GRIA4: variants seen among roughly 807,000 people sequenced by gnomAD.
GRIA4 encodes the protein glutamate receptor 4.
In GRIA4, 34 loss-of-function variants were observed where a neutral mutation model predicts 104.0. The ratio of observed to expected loss-of-function variants is 0.33; its 90% confidence interval spans 0.25 to 0.44. The LOEUF (loss-of-function observed/expected upper bound fraction) is 0.44. Among genes scored for constraint, GRIA4 ranks in the 20% least tolerant of loss-of-function variants. The probability of loss-of-function intolerance (pLI) is 1.00; values close to 1 mark genes in which losing one functional copy is unlikely to be tolerated. For synonymous variants in GRIA4, 386 were observed against 381.9 expected (o/e 1.01, Z -0.13); for missense variants, 750 against 1,096.5 (o/e 0.68, Z 4.46).
rs765999499 is a variant in GRIA4, at chr11:105,886,947, A to AT, written c.673-562dup. ...ATCCAACAGAGAGAAAAGCTTTTTG[A>AT]TTTTTTTTTTCTTTTTGTAATTATA... On this transcript the variant is annotated intron_variant, in intron 5 of 16. Coordinates refer to ENST00000282499, the MANE Select transcript of GRIA4 (RefSeq NM_000829.4). Among the ~76,000 whole-genome samples, 538 of 149,482 alleles carry AT rather than the reference A, an allele frequency of 3.6e-3. 4 individuals carry two copies. The highest frequency in any genetic ancestry group is 0.011 in the African/African-American group (442 of 40,842).
chr11:105,753,919 C>G (rs1940156166), intron 4 of GRIA4, among the ~76,000 whole-genome samples: 1 of 152,074 alleles, frequency 6.6e-6, no homozygotes, highest in African/African-American at 2.4e-5. Context: ...CCCAGGTGAG[C>G]CACCCTCCAG....
intron 4 of GRIA4, among the ~76,000 whole-genome samples, chr11:105,773,457 T>C (rs933150255): frequency 1.3e-5 from 2 of 152,182 alleles, no homozygotes; most frequent in Non-Finnish European, 2.9e-5. Context: ...TGAACTAATA[T>C]AATATCAAAT....
At chr11:105,612,068 C>A (rs140354562) in intron 2 of GRIA4, among the ~76,000 whole-genome samples, 1 of 152,182 alleles carries the variant, frequency 6.6e-6, no homozygotes, top group Non-Finnish European at 1.5e-5. Flanking sequence ...GTGAGCAAGA[C>A]ACATTAGGAC....
At chr11:105,688,558 G>A (rs575611803) in intron 3 of GRIA4, among the ~76,000 whole-genome samples, 145 of 152,054 alleles carry the variant, frequency 9.5e-4, no homozygotes, top group African/African-American at 3.2e-3. Flanking sequence ...GTGAGACTCC[G>A]TCTCAAAAAA....
intron 3 of GRIA4, among the ~76,000 whole-genome samples, chr11:105,660,119 G>T (rs942364376): frequency 9.2e-5 from 14 of 151,522 alleles, no homozygotes; most frequent in African/African-American, 3.1e-4. Flanking sequence ...AATATTTCTA[G>T]GGGAAGGAAA....
intron 4 of GRIA4, among the ~76,000 whole-genome samples, chr11:105,786,423 T>A (rs1247738385): frequency 1.7e-4 from 26 of 152,222 alleles, no homozygotes; most frequent in Non-Finnish European, 2.9e-5. Context: ...CATTTAGCTT[T>A]CTTATTCTTG....
chr11:105,947,585 T>C (rs1948348050), intron 14 of GRIA4, among the ~76,000 whole-genome samples: 1 of 152,202 alleles, frequency 6.6e-6, no homozygotes. Flanking sequence ...CACTTCTCTG[T>C]TTTGTTGCTT....
chr11:105,649,418 T>C (rs912624372), intron 3 of GRIA4, among the ~76,000 whole-genome samples: 15 of 152,170 alleles, frequency 9.9e-5, no homozygotes, highest in African/African-American at 3.6e-4. Context: ...TTCATCCAAT[T>C]CTTGGCTTTT....
chr11:105,841,280 T>A (rs906798905), intron 4 of GRIA4, among the ~76,000 whole-genome samples: 2 of 152,244 alleles, frequency 1.3e-5, no homozygotes, highest in African/African-American at 4.8e-5. Flanking sequence ...TTCACTTTTG[T>A]TTCTACATCT....
At chr11:105,801,345 C>A (rs1300319599) in intron 4 of GRIA4, among the ~76,000 whole-genome samples, 1 of 151,566 alleles carries the variant, frequency 6.6e-6, no homozygotes, top group Non-Finnish European at 1.5e-5. Context: ...TATTGAAAAA[C>A]ATGCAGGAAA....
rs1172538326 is a variant in GRIA4, at chr11:105,827,398, GA to G, written c.488-34618del. On this transcript the variant is annotated intron_variant, in intron 4 of 16. Transcript: ENST00000282499. ...TAAGCAGAATAGAAAATATTTAGAA[GA>G]AAAAAAACAGTAAATTGAAGGAATA... 3.3e-5 allele frequency among the ~76,000 whole-genome samples: 5 copies of G among 151,218 alleles called. No individual in the cohort carries two copies. In the East Asian group the frequency reaches 5.8e-4, roughly 18 times the overall value.
At chr11:105,816,764 C>A (rs1943392758) in intron 4 of GRIA4, among the ~76,000 whole-genome samples, 3 of 152,044 alleles carry the variant, frequency 2.0e-5, no homozygotes, top group Admixed American at 2.0e-4. Context: ...ATAATCCCAG[C>A]AAGTTGGGAG....
intron 10 of GRIA4, chr11:105,911,730 A>C (rs1419109458): frequency 6.1e-6 from 1 of 163,790 alleles, no homozygotes; most frequent in Admixed American, 7.5e-5. Context: ...TTTTGCGTAA[A>C]CTTTCTAACT....
intron 5 of GRIA4, among the ~76,000 whole-genome samples, chr11:105,880,125 G>A (rs1358637759): frequency 2.0e-5 from 3 of 152,102 alleles, no homozygotes; most frequent in African/African-American, 7.2e-5. Context: ...TGCTTCTAAT[G>A]GTTCTTTCAA....
chr11:105,829,824 A>G (rs977337136), intron 4 of GRIA4, among the ~76,000 whole-genome samples: 2 of 151,890 alleles, frequency 1.3e-5, no homozygotes, highest in Admixed American at 1.3e-4. Context: ...TTATAGACTC[A>G]AGGAAAGACA....
intron 4 of GRIA4, among the ~76,000 whole-genome samples, chr11:105,849,714 A>ACCTGG (rs1944729154): frequency 6.6e-6 from 1 of 152,218 alleles, no homozygotes; most frequent in Non-Finnish European, 1.5e-5. Context: ...CAGTATAAAT[A>ACCTGG]GAATTTCATA....
At chr11:105,670,974 GT>G (rs1952344405) in intron 3 of GRIA4, among the ~76,000 whole-genome samples, 2 of 151,962 alleles carry the variant, frequency 1.3e-5, no homozygotes, top group South Asian at 4.1e-4. Context: ...TGCTTGGCTT[GT>G]GGCCCACTTC....
intron 14 of GRIA4, among the ~76,000 whole-genome samples, chr11:105,950,297 A>C (rs1010209801): frequency 6.6e-5 from 10 of 152,148 alleles, no homozygotes; most frequent in Non-Finnish European, 7.3e-5. Flanking sequence ...TAAATATGAG[A>C]GTCACTTGTC....
intron 3 of GRIA4, among the ~76,000 whole-genome samples, chr11:105,659,208 A>T (rs1951934341): frequency 1.3e-5 from 2 of 151,908 alleles, no homozygotes; most frequent in African/African-American, 4.8e-5. Context: ...TCTTCCAGGT[A>T]AACTTGTTCT....
Sources: gnomAD v4.1 joint callset for allele counts (sites outside exome capture counted in the v4.1 genomes callset) on GRCh38, gnomAD v4.1.1 for gene constraint, MANE v1.5 for transcripts, NCBI Gene and HGNC (gene_info 2026-07-23, HGNC 2026-07-21) for gene names.